The following KCNMA1 variants were observed in gnomAD, a reference collection of about 807,000 sequenced individuals.
KCNMA1 encodes the protein Calcium-activated potassium channel subunit alpha-1.
A neutral mutation model predicts 140.0 loss-of-function variants in KCNMA1; 29 were observed. The observed-to-expected ratio is 0.21, with a 90% confidence interval of 0.15 to 0.28. The LOEUF is 0.28. KCNMA1 is among the 10% of genes least tolerant of loss of function. KCNMA1 has a pLI of 1.00. For synonymous variants in KCNMA1, 612 were observed against 611.9 expected, an observed-to-expected ratio of 1.00 and a Z score of 0.00; for missense variants, 880 against 1,602.2, an observed-to-expected ratio of 0.55 and a Z score of 7.70.
chr10:77,213,799 T>C (rs975507598), intron 3 of KCNMA1, among the ~76,000 whole-genome samples: 18 of 152,162 alleles, frequency 1.2e-4, no homozygotes, highest in Admixed American at 1.1e-3. Flanking sequence ...GCAGCAACTA[T>C]AGTGTTTCTG....
At chr10:77,033,700 C>A (rs2094115409) in intron 15 of KCNMA1, among the ~76,000 whole-genome samples, 1 of 152,148 alleles carries the variant, frequency 6.6e-6, no homozygotes, top group South Asian at 2.1e-4. Context: ...GGACTCCTTC[C>A]CTGACCCTTC....
At chr10:77,502,982 C>T (rs868482779) in intron 1 of KCNMA1, among the ~76,000 whole-genome samples, 2 of 152,116 alleles carry the variant, frequency 1.3e-5, no homozygotes, top group Admixed American at 6.6e-5. Flanking sequence ...CTGAGTGTGG[C>T]GGCACATGCC....
intron 20 of KCNMA1, among the ~76,000 whole-genome samples, chr10:76,956,494 A>G (rs1312035841): frequency 1.3e-5 from 2 of 152,150 alleles, no homozygotes; most frequent in Non-Finnish European, 2.9e-5. Context: ...AACCTCCCGG[A>G]ACAAAGACAT....
intron 2 of KCNMA1, among the ~76,000 whole-genome samples, chr10:77,366,046 T>C (rs910978147): frequency 6.6e-6 from 1 of 152,224 alleles, no homozygotes; most frequent in Non-Finnish European, 1.5e-5. Flanking sequence ...GCATCCTCCT[T>C]ATGCAGCTGG....
intron 12 of KCNMA1, among the ~76,000 whole-genome samples, chr10:77,083,023 A>G (rs969035344): frequency 2.6e-5 from 4 of 152,210 alleles, no homozygotes; most frequent in Admixed American, 2.6e-4. Flanking sequence ...GTCAGGATGT[A>G]AAGGTAACTT....
chr10:77,400,441 G>A (rs1439085707), intron 2 of KCNMA1, among the ~76,000 whole-genome samples: 2 of 152,218 alleles, frequency 1.3e-5, no homozygotes, highest in African/African-American at 4.8e-5. Context: ...AGCAGGCCAA[G>A]CATCCTCAGG....
intron 1 of KCNMA1, among the ~76,000 whole-genome samples, chr10:77,431,726 G>C (rs1000489082): frequency 2.7e-5 from 4 of 150,140 alleles, no homozygotes; most frequent in African/African-American, 4.9e-5. Context: ...GGCCGGGAGC[G>C]GTGGCTCACG....
intron 2 of KCNMA1, among the ~76,000 whole-genome samples, chr10:77,352,648 G>T (rs11002134): frequency 2.1e-5 from 3 of 141,562 alleles, no homozygotes; most frequent in Non-Finnish European, 3.1e-5. Context: ...GTGTGTGTGT[G>T]TTTGTGTGTG....
At chr10:77,382,731 G>C (rs948479732) in intron 2 of KCNMA1, among the ~76,000 whole-genome samples, 5 of 150,894 alleles carry the variant, frequency 3.3e-5, no homozygotes, top group African/African-American at 4.9e-5. Flanking sequence ...TCGGTGTGGT[G>C]GTGGGTGCCT....
intron 1 of KCNMA1, among the ~76,000 whole-genome samples, chr10:77,414,267 C>G (rs1169228263): frequency 6.6e-6 from 1 of 152,144 alleles, no homozygotes; most frequent in Non-Finnish European, 1.5e-5. Flanking sequence ...GTCAATCAAG[C>G]ATCATTTCCC....
chr10:77,361,833 T>C (rs1289869668), intron 2 of KCNMA1, among the ~76,000 whole-genome samples: 1 of 152,210 alleles, frequency 6.6e-6, no homozygotes, highest in Non-Finnish European at 1.5e-5. Flanking sequence ...CAGGCTGATA[T>C]GTGCCTTAAA....
At chr10:77,424,039 A>G (rs1213488110) in intron 1 of KCNMA1, among the ~76,000 whole-genome samples, 2 of 152,238 alleles carry the variant, frequency 1.3e-5, no homozygotes, top group East Asian at 3.8e-4. Context: ...GACACTGTCA[A>G]GGAAGACAAG....
At chr10:77,284,480 C>T (rs959145388) in intron 2 of KCNMA1, among the ~76,000 whole-genome samples, 6 of 152,124 alleles carry the variant, frequency 3.9e-5, no homozygotes, top group African/African-American at 1.4e-4. Context: ...GTTTTATAAT[C>T]CCTCTTTCAG....
intron 2 of KCNMA1, among the ~76,000 whole-genome samples, chr10:77,324,534 C>T (rs1195012559): frequency 1.2e-5 from 1 of 85,608 alleles, no homozygotes; most frequent in African/African-American, 2.9e-5. Context: ...ATTTATGAAG[C>T]TATAGAGAAT....
intron 9 of KCNMA1, among the ~76,000 whole-genome samples, chr10:77,102,435 A>T (rs2097121980): frequency 6.6e-6 from 1 of 152,220 alleles, no homozygotes; most frequent in Non-Finnish European, 1.5e-5. Context: ...CCAAATTCTG[A>T]TATAAGGAAA....
intron 14 of KCNMA1, among the ~76,000 whole-genome samples, chr10:77,043,475 C>T (rs961954915): frequency 6.2e-4 from 95 of 152,302 alleles, no homozygotes; most frequent in African/African-American, 2.2e-3. Context: ...CCATTGGATT[C>T]ATAATTCCAC....
At chr10:77,522,195 A>AAATAAATAAATAAATG (rs2053658050) in intron 1 of KCNMA1, among the ~76,000 whole-genome samples, 2 of 151,434 alleles carry the variant, frequency 1.3e-5, no homozygotes, top group African/African-American at 4.9e-5. Context: ...ATAAATAAAT[A>AAATAAATAAATAAATG]AATAAATAAA....
chr10:77,397,188 C>T (rs1433933818), intron 2 of KCNMA1, among the ~76,000 whole-genome samples: 1 of 133,702 alleles, frequency 7.5e-6, no homozygotes, highest in Non-Finnish European at 1.7e-5. Context: ...CTGTAACGCT[C>T]CTTTACAAAG....
At chr10:76,977,064 T>C (rs2077813529) in intron 19 of KCNMA1, among the ~76,000 whole-genome samples, 1 of 152,148 alleles carries the variant, frequency 6.6e-6, no homozygotes, top group African/African-American at 2.4e-5. Flanking sequence ...CAACTTTCCT[T>C]TCCTTCTCTC....
Sources: allele counts gnomAD v4.1 joint callset (sites outside exome capture counted in the v4.1 genomes callset), GRCh38; gene constraint gnomAD v4.1.1; transcripts MANE v1.5; gene names NCBI Gene and HGNC (gene_info 2026-07-23, HGNC 2026-07-21).